The following GLIS3 variants were observed in gnomAD, a reference collection of about 807,000 sequenced individuals.
The protein encoded by GLIS3 is GLIS family zinc finger 3, also known as zinc finger protein GLIS3.
Under a neutral mutation model 78.6 loss-of-function variants are expected in GLIS3, and 53 were observed. That is an observed-to-expected ratio of 0.67 (90% confidence interval 0.54 to 0.85). The LOEUF is 0.85. GLIS3 is among the 40% of genes least tolerant of loss of function. GLIS3 has a pLI of 0.00. For missense variants in GLIS3, 1,703 were observed against 1,231.1 expected (o/e 1.38, Z -5.74); for synonymous variants, 684 against 509.9 (o/e 1.34, Z -4.60).
At chr9:3,986,376 G>C (rs1819741598) in intron 4 of GLIS3, among the ~76,000 whole-genome samples, 1 of 152,182 alleles carries the variant, frequency 6.6e-6, no homozygotes, top group African/African-American at 2.4e-5. Flanking sequence ...AAGCTTCCTT[G>C]TGTCATAAAA....
chr9:4,474,262 T>C, the GLIS3 span, among the ~76,000 whole-genome samples: 9 of 152,040 alleles, frequency 5.9e-5, no homozygotes, highest in East Asian at 5.8e-4. Context: ...TAAAACAAAA[T>C]AGAAAGTTCA....
At chr9:4,447,901 C>T in the GLIS3 span, among the ~76,000 whole-genome samples, 2 of 152,098 alleles carry the variant, frequency 1.3e-5, no homozygotes, top group Admixed American at 1.3e-4. Flanking sequence ...TTGTTTCTGT[C>T]CTTTTTAAAT....
intron 7 of GLIS3, among the ~76,000 whole-genome samples, chr9:3,882,354 C>A (rs535792744): frequency 6.6e-6 from 1 of 152,174 alleles, no homozygotes; most frequent in Non-Finnish European, 1.5e-5. Flanking sequence ...TTGAGGGGCA[C>A]GTGTACCAGA....
chr9:4,364,446 GATA>G, the GLIS3 span, among the ~76,000 whole-genome samples: 1 of 152,036 alleles, frequency 6.6e-6, no homozygotes, highest in Non-Finnish European at 1.5e-5. Context: ...TTCAATAAAT[GATA>G]ATATTTTCAG....
intron 4 of GLIS3, among the ~76,000 whole-genome samples, chr9:4,102,012 T>A (rs1451722264): frequency 6.6e-6 from 1 of 152,218 alleles, no homozygotes; most frequent in Non-Finnish European, 1.5e-5. Context: ...AATGCTGAAA[T>A]GGATGAGCAA....
chr9:4,159,030 G>GAAAAAAAAAAA (rs141412126), intron 2 of GLIS3, among the ~76,000 whole-genome samples: 1,280 of 78,956 alleles, frequency 0.016, 181 homozygotes, highest in African/African-American at 0.041. Flanking sequence ...GAAAGGAGAA[G>GAAAAAAAAAAA]AAGAAAAAAA....
chr9:4,202,532 C>T (rs574427337), intron 2 of GLIS3, among the ~76,000 whole-genome samples: 1 of 152,136 alleles, frequency 6.6e-6, no homozygotes, highest in South Asian at 2.1e-4. Flanking sequence ...GCAAAAAGAA[C>T]AAAGATGGAG....
At chr9:4,189,460 T>G (rs1192654948) in intron 2 of GLIS3, among the ~76,000 whole-genome samples, 1 of 152,126 alleles carries the variant, frequency 6.6e-6, no homozygotes, top group Non-Finnish European at 1.5e-5. Flanking sequence ...CTGAAAAAAA[T>G]GTATATTCTG....
At chr9:4,330,297 T>G (rs1817665747) in intron 2 of GLIS3, among the ~76,000 whole-genome samples, 1 of 152,232 alleles carries the variant, frequency 6.6e-6, no homozygotes, top group Non-Finnish European at 1.5e-5. Context: ...GAAGGCCTGT[T>G]AAAACACAGA....
chr9:3,986,598 T>C (rs576366383), intron 4 of GLIS3, among the ~76,000 whole-genome samples: 1 of 152,332 alleles, frequency 6.6e-6, no homozygotes, highest in South Asian at 2.1e-4. Flanking sequence ...CTATTAAATG[T>C]CTTGAGAGCA....
chr9:4,285,913 G>A (rs148835648), intron 2 of GLIS3, 125 bp downstream of exon 2: 1 of 1,176,662 alleles, frequency 8.5e-7, no homozygotes, highest in Non-Finnish European at 1.3e-6. Flanking sequence ...ATATCATTAT[G>A]AGACCATCAT....
chr9:4,315,902 G>A (rs780804906), intron 2 of GLIS3, among the ~76,000 whole-genome samples: 5 of 152,114 alleles, frequency 3.3e-5, no homozygotes, highest in Admixed American at 6.5e-5. Flanking sequence ...CAGATATCTC[G>A]TATTACCTCT....
chr9:4,060,562 T>C (rs1325255542), intron 4 of GLIS3, among the ~76,000 whole-genome samples: 1 of 152,138 alleles, frequency 6.6e-6, no homozygotes, highest in Non-Finnish European at 1.5e-5. Flanking sequence ...TGGGTGATTA[T>C]GAGAGTATAA....
intron 4 of GLIS3, among the ~76,000 whole-genome samples, chr9:4,030,588 C>A (rs1823752722): frequency 6.6e-6 from 1 of 152,170 alleles, no homozygotes; most frequent in African/African-American, 2.4e-5. Flanking sequence ...AGATTTAAGT[C>A]TTTAAGCCAT....
intron 2 of GLIS3, among the ~76,000 whole-genome samples, chr9:4,337,157 C>T (rs1817767328): frequency 6.6e-6 from 1 of 152,168 alleles, no homozygotes; most frequent in Non-Finnish European, 1.5e-5. Flanking sequence ...AATTTGGCAA[C>T]ACATAGAATC....
chr9:4,205,054 T>A (rs1480190691), intron 2 of GLIS3, among the ~76,000 whole-genome samples: 1 of 151,758 alleles, frequency 6.6e-6, no homozygotes, highest in Non-Finnish European at 1.5e-5. Flanking sequence ...TTCACACCTG[T>A]AATCCCAGCT....
intron 2 of GLIS3, among the ~76,000 whole-genome samples, chr9:4,172,917 G>A (rs1333156353): frequency 2.6e-5 from 4 of 152,156 alleles, no homozygotes; most frequent in Non-Finnish European, 5.9e-5. Flanking sequence ...AGGGAAGCAG[G>A]CCAGATGGTT....
chr9:3,947,439 T>C (rs559251237), intron 4 of GLIS3, among the ~76,000 whole-genome samples: 1 of 152,354 alleles, frequency 6.6e-6, no homozygotes, highest in East Asian at 1.9e-4. Context: ...AATTTGCTTA[T>C]CATATAGGCA....
At chr9:4,165,647 G>GC (rs1835826276) in intron 2 of GLIS3, among the ~76,000 whole-genome samples, 1 of 152,214 alleles carries the variant, frequency 6.6e-6, no homozygotes, top group South Asian at 2.1e-4. Context: ...TGCCTGATGG[G>GC]CGTCACTCCA....
Sources: gnomAD v4.1 joint callset for allele counts (sites outside exome capture counted in the v4.1 genomes callset) on GRCh38, gnomAD v4.1.1 for gene constraint, MANE v1.5 for transcripts, NCBI Gene and HGNC (gene_info 2026-07-23, HGNC 2026-07-21) for gene names.